The following NRF1 variants were observed in gnomAD, a reference collection of about 807,000 sequenced individuals.
NRF1 encodes nuclear respiratory factor 1.
Under a neutral mutation model 58.5 loss-of-function variants are expected in NRF1, and 5 were observed. That is an observed-to-expected ratio of 0.09 (90% CI 0.04 to 0.18). The LOEUF (loss-of-function observed/expected upper bound fraction) is 0.18. Ranked by LOEUF, NRF1 falls within the 10% of genes least tolerant of loss-of-function variation. The probability of loss-of-function intolerance (pLI) is 1.00; values close to 1 mark genes in which losing one functional copy is unlikely to be tolerated. For missense variants in NRF1, 288 were observed against 657.7 expected (o/e 0.44, Z 6.15); for synonymous variants, 224 against 246.7 (o/e 0.91, Z 0.86).
chr7:129,681,559 TAAG>T (rs925905407), intron 4 of NRF1, among the ~76,000 whole-genome samples: 4 of 152,124 alleles, frequency 2.6e-5, no homozygotes, highest in African/African-American at 9.7e-5. Flanking sequence ...TTAATATTGA[TAAG>T]AAGTATTTAT....
intron 3 of NRF1, among the ~76,000 whole-genome samples, chr7:129,677,051 C>T (rs1420662612): frequency 8.6e-6 from 1 of 116,120 alleles, no homozygotes; most frequent in Non-Finnish European, 1.7e-5. Context: ...TGCTCTGTTG[C>T]TCAGGCTGGA....
intron 10 of NRF1, among the ~76,000 whole-genome samples, chr7:129,754,421 C>G (rs1266949767): frequency 1.5e-5 from 2 of 137,802 alleles, no homozygotes; most frequent in East Asian, 2.1e-4. Flanking sequence ...TGTGGTCACG[C>G]CACTGCACTC....
In NRF1 at chr7:129,723,843, G is replaced by A. The variant is rs184875490; in HGVS notation, c.1224-3398G>A. Among the ~76,000 whole-genome samples, 39 of 152,342 alleles carry A rather than the reference G, an allele frequency of 2.6e-4. 1 individual carries two copies. The East Asian group carries it at 5.8e-3, about 23-fold the overall frequency. Reference sequence around the variant, plus strand: ...TGTGTTAAGTTTTGAAATCAGAAGTGTGAGTGGTGGTGCTGGGAAAACTGG... The same window carrying A: ...TGTGTTAAGTTTTGAAATCAGAAGTATGAGTGGTGGTGCTGGGAAAACTGG... On this transcript the variant is annotated intron_variant, in intron 9 of 10. Coordinates refer to ENST00000393232, the MANE Select transcript of NRF1 (RefSeq NM_005011.5).
In NRF1 at chr7:129,674,313, A is replaced by G. The variant is rs141102778; in HGVS notation, c.338+2770A>G. On this transcript the variant is annotated intron_variant, in intron 3 of 10. Coordinates refer to ENST00000393232, the MANE Select transcript of NRF1 (RefSeq NM_005011.5). ...ACCACTACAATAAAGCAAGTATCAC[A>G]ATAAGTCACAGAAATTTTTTGGTTT... Among the ~76,000 whole-genome samples the G allele has an allele frequency of 6.7e-4, 102 of 152,340 alleles. 2 individuals are homozygous for G. The highest frequency in any genetic ancestry group is 1.7e-3 in the East Asian group (9 of 5,190).
At chr7:129,638,079 T>C (rs1185732407) in intron 1 of NRF1, among the ~76,000 whole-genome samples, 1 of 152,138 alleles carries the variant, frequency 6.6e-6, no homozygotes, top group Non-Finnish European at 1.5e-5. Context: ...CTAGTTTTTT[T>C]TGTACATTGC....
At chr7:129,744,531 A>G (rs1435447114) in intron 10 of NRF1, among the ~76,000 whole-genome samples, 5 of 152,144 alleles carry the variant, frequency 3.3e-5, no homozygotes, top group African/African-American at 1.2e-4. Flanking sequence ...GCTGGCCTCA[A>G]GTGATCCTCC....
chr7:129,639,133 T>G, intron 1 of NRF1, among the ~76,000 whole-genome samples: 1 of 151,882 alleles, frequency 6.6e-6, no homozygotes, highest in Admixed American at 6.5e-5. Flanking sequence ...AGTCTCTGCT[T>G]ACTGCAGCCT....
chr7:129,653,080 C>T (rs1801573514), intron 1 of NRF1, among the ~76,000 whole-genome samples: 1 of 152,242 alleles, frequency 6.6e-6, no homozygotes, highest in African/African-American at 2.4e-5. Context: ...AGAACTGAAA[C>T]TCTGTACTCC....
intron 1 of NRF1, among the ~76,000 whole-genome samples, chr7:129,619,488 G>GTATATATATA (rs1346163996): frequency 8.4e-4 from 34 of 40,590 alleles, no homozygotes; most frequent in Non-Finnish European, 1.4e-3. Flanking sequence ...GTGTGTGTGT[G>GTATATATATA]TGTATATATA....
chr7:129,747,865 A>G (rs555066677), intron 10 of NRF1, among the ~76,000 whole-genome samples: 2 of 152,364 alleles, frequency 1.3e-5, no homozygotes, highest in South Asian at 4.1e-4. Context: ...TGTGGAGGGC[A>G]AGACTAAAGG....
intron 5 of NRF1, among the ~76,000 whole-genome samples, chr7:129,707,417 G>A (rs1423061458): frequency 6.6e-6 from 1 of 152,162 alleles, no homozygotes; most frequent in African/African-American, 2.4e-5. Flanking sequence ...CAAAGAAAAG[G>A]GAGTTTATGA....
intron 10 of NRF1, 148 bp downstream of exon 10, chr7:129,727,513 G>A (rs1803477149): frequency 1.4e-6 from 1 of 724,632 alleles, no homozygotes; most frequent in African/African-American, 1.9e-5. Flanking sequence ...GAATATTCTG[G>A]GAGCCTGTGA....
Position 129,690,397 on chromosome 7 carries a change from T to C in NRF1, c.466-9T>C, listed in dbSNP as rs766472419. On this transcript the variant is annotated splice_polypyrimidine_tract_variant and intron_variant, in intron 4 of 10. Transcript: ENST00000393232. ...CATCTTGTTTACTTCTGCCCTTAAT[T>C]CCCTGCAGGTGCGTAAGTACAAGAG... is the stretch of plus-strand genomic sequence containing the variant. 2.5e-6 allele frequency: 4 copies of C among 1,610,732 alleles called. No homozygotes were observed. In the African/African-American group the frequency reaches 5.3e-5, roughly 22 times the overall value.
chr7:129,673,583 G>A (rs1802100748), intron 3 of NRF1, among the ~76,000 whole-genome samples: 1 of 151,850 alleles, frequency 6.6e-6, no homozygotes, highest in African/African-American at 2.4e-5. Flanking sequence ...CGGGCGCAGT[G>A]GCGGGCGCCT....
chr7:129,650,366 C>T (rs775160047), intron 1 of NRF1, among the ~76,000 whole-genome samples: 1 of 152,030 alleles, frequency 6.6e-6, no homozygotes, highest in Non-Finnish European at 1.5e-5. Flanking sequence ...ATTTTGTGCA[C>T]TGTTGTGAAA....
At chr7:129,623,542 ATCTT>A (rs1298962537) in intron 1 of NRF1, among the ~76,000 whole-genome samples, 1 of 152,218 alleles carries the variant, frequency 6.6e-6, no homozygotes, top group Non-Finnish European at 1.5e-5. Flanking sequence ...TCTCAAAGGT[ATCTT>A]TCTTAAAAAA....
Position 129,755,271 on chromosome 7 carries a change from C to A in NRF1, c.*90C>A. 1.7e-6 allele frequency: 2 copies of A among 1,160,070 alleles called. No individual in the cohort carries two copies. The highest frequency in any genetic ancestry group is 2.3e-6 in the Non-Finnish European group (2 of 879,384). The allele number at this position is 1,160,070 out of a possible 1,614,324, so 71.9% of individuals were successfully genotyped here. On this transcript the variant is annotated 3_prime_UTR_variant, in exon 11 of 11. Transcript: ENST00000393232. This position sits in a 1 kb window ranked among gnomAD's most constrained non-coding sequence, Gnocchi z 5.8. ...TGCAATCAAATGGAATTAAGTCTCT[C>A]GACTTTGGAAGGAAAGTTTTGTTAA...
intron 5 of NRF1, among the ~76,000 whole-genome samples, chr7:129,697,363 G>A (rs1347428773): frequency 6.6e-6 from 1 of 151,662 alleles, no homozygotes; most frequent in Non-Finnish European, 1.5e-5. Context: ...CTAACATGGT[G>A]AAACCCCGTC....
At chr7:129,616,760 T>C (rs1250966352) in intron 1 of NRF1, among the ~76,000 whole-genome samples, 2 of 152,200 alleles carry the variant, frequency 1.3e-5, no homozygotes, top group African/African-American at 4.8e-5. Context: ...AATCACAACA[T>C]AGTTTGTGTA....
Sources: allele counts gnomAD v4.1 joint callset (sites outside exome capture counted in the v4.1 genomes callset), GRCh38; gene constraint gnomAD v4.1.1; non-coding constraint Gnocchi (gnomAD v3.1); transcripts MANE v1.5; gene names NCBI Gene and HGNC (gene_info 2026-07-23, HGNC 2026-07-21).